GOLGA3: variants seen among roughly 807,000 people sequenced by gnomAD.
The protein encoded by GOLGA3 is golgin A3, also known as golgin subfamily A member 3.
Under a neutral mutation model 169.4 loss-of-function variants are expected in GOLGA3, and 75 were observed. The observed-to-expected ratio is 0.44, with a 90% CI of 0.37 to 0.54. The LOEUF (loss-of-function observed/expected upper bound fraction) is 0.54, where lower values mean the gene tolerates loss of function less well. Among genes scored for constraint, GOLGA3 ranks in the 20% least tolerant of loss-of-function variants. The probability of loss-of-function intolerance (pLI) is 0.00; values close to 1 mark genes in which losing one functional copy is unlikely to be tolerated. For missense variants in GOLGA3, 1,899 were observed against 1,930.0 expected, an observed-to-expected ratio of 0.98 and a Z score of 0.30; for synonymous variants, 824 against 822.4, an observed-to-expected ratio of 1.00 and a Z score of -0.03.
intron 12 of GOLGA3, among the ~76,000 whole-genome samples, chr12:132,790,772 G>A (rs1323624442): frequency 1.3e-5 from 2 of 152,046 alleles, no homozygotes; most frequent in East Asian, 1.9e-4. Flanking sequence ...AGAGGGCCGG[G>A]CGCGGTGACT....
chr12:132,774,448 T>C, intron 22 of GOLGA3, 128 bp from the exon 23 acceptor site: 1 of 974,658 alleles, frequency 1.0e-6, no homozygotes, highest in Non-Finnish European at 1.5e-6. Context: ...GGGACCGTCC[T>C]GGCCGCCGTG....
Position 132,777,893 on chromosome 12 carries a change from G to C in GOLGA3, c.3583-88C>G. 7.1e-7 allele frequency: 1 copy of C among 1,412,402 alleles called. No homozygotes were observed. Among genetic ancestry groups the C allele is most frequent in the Non-Finnish European group, 9.7e-7 (1 of 1,035,518 alleles). 87.5% of individuals were successfully genotyped at this position (1,412,402 alleles called of 1,614,324 possible). On this transcript the variant is annotated intron_variant, in intron 18 of 23. Transcript: ENST00000450791. This position sits in a 1 kb window ranked among gnomAD's most constrained non-coding sequence, Gnocchi z 4.7. ...GGGCGCAGGGGGTGAATGCACTCCC[G>C]GCCCCGTGCATGTCCTGGCTGCCGG...
chr12:132,797,790 C>T lies in GOLGA3; in HGVS notation c.1938+550G>A, dbSNP rs536989265. 8.5e-5 allele frequency among the ~76,000 whole-genome samples: 13 copies of T among 152,064 alleles called. No homozygotes were observed. The South Asian group carries it at 2.3e-3, about 27-fold the overall frequency. Reference sequence around the variant, plus strand: ...AGCTAAAGGAGAACAGCTATCAAGGCTGCTGCATTTCTGTCCTCTGGAGAT... The same window carrying T: ...AGCTAAAGGAGAACAGCTATCAAGGTTGCTGCATTTCTGTCCTCTGGAGAT... On this transcript the variant is annotated intron_variant, in intron 9 of 23. Transcript: ENST00000450791.
intron 18 of GOLGA3, among the ~76,000 whole-genome samples, chr12:132,780,372 G>A (rs1161737230): frequency 6.6e-6 from 1 of 152,186 alleles, no homozygotes; most frequent in African/African-American, 2.4e-5. Context: ...CTGGCGACGT[G>A]ACCAACGTGT....
At chr12:132,805,057 A>G (rs917032273) in intron 6 of GOLGA3, 35 bp from the exon 7 acceptor site, 2 of 1,584,804 alleles carry the variant, frequency 1.3e-6, no homozygotes, top group Non-Finnish European at 1.7e-6. Context: ...TGATTTTAAG[A>G]AAACGAGTCA....
chr12:132,791,222 T>A lies in GOLGA3; in HGVS notation c.2541A>T (p.Gln847His). ...ATCAACAACAGATTTTTACCTTTTG[T>A]TGGAGAAACTGTTCCTTTATTTTTT... Reference protein sequence around the residue: ...QMQKIKEQFLQQKVMVEAYRR... With the variant: ...QMQKIKEQFLHQKVMVEAYRR... The change falls in exon 12 of 24, where the codon CAA (glutamine) becomes CAT (histidine). Residue 847 changes from glutamine (Q) to histidine (H), a missense_variant. Gln to His is a conservative substitution (Grantham distance 24). Coordinates refer to ENST00000450791, the MANE Select transcript of GOLGA3 (RefSeq NM_001389683.1). The A allele has an allele frequency of 6.3e-7, 1 of 1,585,084 alleles. No individual in the cohort carries two copies. Among genetic ancestry groups the A allele is most frequent in the Non-Finnish European group, 8.7e-7 (1 of 1,154,214 alleles).
chr12:132,795,946 A>G lies in GOLGA3; in HGVS notation c.2375T>C (p.Leu792Pro), dbSNP rs745663867. The change falls in exon 11 of 24, where the codon CTT (leucine) becomes CCT (proline). Residue 792 changes from leucine to proline, a missense_variant. By Grantham distance (98) the Leu-to-Pro change is moderately conservative (BLOSUM62 -3). Transcript: ENST00000450791. ...LQAAKSGKEE[L>P]DRGARRLEEG... The stretch of plus-strand genomic sequence containing the variant: ...TTCCAAGCGTCTTGCTCCTCTGTCA[A>G]GCTCCTCCTTGCCACTCTTGGCCGC... 1.2e-6 allele frequency: 2 copies of G among 1,613,986 alleles called. No individual in the cohort carries two copies. The highest frequency in any genetic ancestry group is 2.2e-5 in the South Asian group (2 of 91,078).
chr12:132,780,970 A>C (rs777363773), intron 17 of GOLGA3, 56 bp from the exon 18 acceptor site: 2 of 1,318,092 alleles, frequency 1.5e-6, no homozygotes, highest in Non-Finnish European at 2.2e-6. Flanking sequence ...CAAACACACA[A>C]GGCTGCTACA....
At chr12:132,821,216 G>C (rs1338686203) in intron 2 of GOLGA3, among the ~76,000 whole-genome samples, 6 of 150,704 alleles carry the variant, frequency 4.0e-5, no homozygotes, top group African/African-American at 1.5e-4. Flanking sequence ...TGGCCAGCCT[G>C]ACCAACATGG....
At position 132,777,799 on chromosome 12, in the gene GOLGA3, C is replaced by G; in HGVS notation, c.3589G>C (p.Ala1197Pro). 1 of 1,613,466 alleles carries G rather than the reference C, an allele frequency of 6.2e-7. No individual in the cohort carries two copies. Among genetic ancestry groups the G allele is most frequent in the Non-Finnish European group, 8.5e-7 (1 of 1,179,830 alleles). ...KVNSLKEQVAAAKVEAGHNRR... is the reference protein window; with the variant it reads ...KVNSLKEQVAPAKVEAGHNRR... ...TTATGCCCGGCTTCCACCTTGGCAG[C>G]AGCCACCTAGGAGGAAGGAAGCCAC... The change falls in exon 19 of 24, where the codon GCT (alanine) becomes CCT (proline). Residue 1197 changes from alanine to proline, a missense_variant. Coordinates refer to ENST00000450791, the MANE Select transcript of GOLGA3 (RefSeq NM_001389683.1). This position sits in a 1 kb window ranked among gnomAD's most constrained non-coding sequence, Gnocchi z 4.7.
intron 1 of GOLGA3, among the ~76,000 whole-genome samples, chr12:132,823,270 T>C (rs901558672): frequency 2.0e-5 from 3 of 152,256 alleles, no homozygotes. Flanking sequence ...CAAGTGATTA[T>C]CCACCCTGAA....
intron 4 of GOLGA3, 92 bp downstream of exon 4, chr12:132,813,215 A>C: frequency 1.2e-6 from 1 of 800,632 alleles, no homozygotes; most frequent in Non-Finnish European, 2.2e-6. Flanking sequence ...AGCTCAGAGA[A>C]GCCAATGGCA....
At chr12:132,785,071 G>A (rs538715328) in intron 15 of GOLGA3, among the ~76,000 whole-genome samples, 1 of 152,214 alleles carries the variant, frequency 6.6e-6, no homozygotes, top group Non-Finnish European at 1.5e-5. Flanking sequence ...ATTTTGCTGA[G>A]GATCAAAAAG....
In GOLGA3 at chr12:132,770,484, T is replaced by C. The variant is rs530970336; in HGVS notation, c.*2621A>G. 12 of 152,096 alleles carry C rather than the reference T, an allele frequency of 7.9e-5. No homozygotes were observed. The highest frequency in any genetic ancestry group is 2.4e-4 in the African/African-American group (10 of 41,476). The allele number at this position is 152,096 out of a possible 1,614,324, so 9.4% of individuals were successfully genotyped here. On this transcript the variant is annotated 3_prime_UTR_variant, in exon 24 of 24. Coordinates refer to ENST00000450791, the MANE Select transcript of GOLGA3 (RefSeq NM_001389683.1). ...ACGCAGGAAAACCGGGGTGAGAACA[T>C]AGAGCTACTTTTCCTTCGGTATTTT... is the stretch of plus-strand genomic sequence containing the variant.
intron 1 of GOLGA3, among the ~76,000 whole-genome samples, chr12:132,824,710 C>G (rs1816213603): frequency 6.6e-6 from 1 of 152,248 alleles, no homozygotes; most frequent in South Asian, 2.1e-4. Context: ...AGTAACATCT[C>G]TCATCCCTGG....
chr12:132,808,415 A>C lies in GOLGA3; in HGVS notation c.654T>G (p.Pro218=), dbSNP rs1223878070. The C allele has an allele frequency of 2.5e-6, 4 of 1,614,014 alleles. No homozygotes were observed. The South Asian group carries it at 4.4e-5, about 18-fold the overall frequency. The change falls in exon 5 of 24, where the codon CCT becomes CCG. Residue 218 remains proline (P), a synonymous_variant. Transcript: ENST00000450791. ...CCAGGCTGCCCACCTTAGGCCCCCG[A>C]GGGACACTGGTGCGCAGGAAGGAAT... ...KEYSFLRTSV[P]RGPKVGSLGL...
At chr12:132,826,288 G>GC (rs1325499119) in intron 1 of GOLGA3, 1 of 904,332 alleles carries the variant, frequency 1.1e-6, no homozygotes, top group African/African-American at 1.7e-5. Context: ...CACGGCCACG[G>GC]CCCAGACAGG....
intron 4 of GOLGA3, among the ~76,000 whole-genome samples, chr12:132,812,443 A>G (rs953085366): frequency 6.6e-6 from 1 of 152,158 alleles, no homozygotes; most frequent in Non-Finnish European, 1.5e-5. Flanking sequence ...CCTCTCATGG[A>G]TCTGGGCAAA....
intron 1 of GOLGA3, among the ~76,000 whole-genome samples, chr12:132,823,202 C>G (rs560239048): frequency 6.6e-6 from 1 of 152,372 alleles, no homozygotes; most frequent in East Asian, 1.9e-4. Context: ...TGGGTTAGCT[C>G]TCTCAGCCTG....
Sources: gnomAD v4.1 joint callset for allele counts (sites outside exome capture counted in the v4.1 genomes callset) on GRCh38, gnomAD v4.1.1 for gene constraint, Gnocchi (gnomAD v3.1) non-coding constraint, MANE v1.5 for transcripts, NCBI Gene and HGNC (gene_info 2026-07-23, HGNC 2026-07-21) for gene names.